The following DCHS2 variants were observed in gnomAD, a reference collection of about 807,000 sequenced individuals.
The protein encoded by DCHS2 is dachsous cadherin-related 2.
In DCHS2, 142 loss-of-function variants were observed where a neutral mutation model predicts 182.4. The ratio of observed to expected loss-of-function variants is 0.78; its 90% confidence interval spans 0.68 to 0.89. DCHS2 has a LOEUF of 0.89. Among genes scored for constraint, DCHS2 ranks in the 40% least tolerant of loss-of-function variants. The pLI, the probability that DCHS2 is intolerant of heterozygous loss-of-function variation, is 0.00. For missense variants in DCHS2, 4,319 were observed against 4,198.6 expected, an observed-to-expected ratio of 1.03 and a Z score of -0.79; for synonymous variants, 1,740 against 1,663.3, an observed-to-expected ratio of 1.05 and a Z score of -1.12.
At chr4:154,434,704 T>G (rs1257232030) in intron 1 of DCHS2, among the ~76,000 whole-genome samples, 1 of 152,148 alleles carries the variant, frequency 6.6e-6, no homozygotes, top group Non-Finnish European at 1.5e-5. Flanking sequence ...AAAAGTGAGT[T>G]AACATTATCA....
chr4:154,478,625 G>A (rs1043179496), intron 1 of DCHS2, among the ~76,000 whole-genome samples: 2 of 152,160 alleles, frequency 1.3e-5, no homozygotes, highest in Non-Finnish European at 2.9e-5. Flanking sequence ...ATAGCCATTA[G>A]AGAGAAAGAG....
chr4:154,352,955 G>T (rs1729688799), intron 3 of DCHS2, among the ~76,000 whole-genome samples: 1 of 152,264 alleles, frequency 6.6e-6, no homozygotes, highest in South Asian at 2.1e-4. Flanking sequence ...GGTCCACAAA[G>T]GTTTCAGTTT....
intron 1 of DCHS2, among the ~76,000 whole-genome samples, chr4:154,383,255 A>G (rs981108778): frequency 3.3e-5 from 5 of 152,168 alleles, no homozygotes; most frequent in Non-Finnish European, 4.4e-5. Context: ...CAAATACTGC[A>G]GTTCTCACTC....
chr4:154,260,868 T>C (rs1036984753), intron 14 of DCHS2, among the ~76,000 whole-genome samples: 2 of 152,208 alleles, frequency 1.3e-5, no homozygotes, highest in Non-Finnish European at 2.9e-5. Flanking sequence ...TGCCCTCATA[T>C]AAAAGGCAGA....
Position 154,236,666 on chromosome 4 carries a change from G to C in DCHS2, c.7986C>G (p.Pro2662=). 6.2e-7 allele frequency: 1 copy of C among 1,613,964 alleles called. No homozygotes were observed. The highest frequency in any genetic ancestry group is 8.5e-7 in the Non-Finnish European group (1 of 1,179,944). Residue 2662 remains proline (P), a synonymous_variant, in exon 20 of 20, where the codon CCC becomes CCG. Transcript: ENST00000357232. ...SIQVLDVNDN[P]PNFSSLSYHT... is the part of the protein sequence containing the mutation. ...GATAGCTCAGGCTGCTGAAGTTTGGGGGATTGTCATTGACATCAAGTACTT... is the reference window on the plus strand; with the variant it reads ...GATAGCTCAGGCTGCTGAAGTTTGGCGGATTGTCATTGACATCAAGTACTT...
At chr4:154,311,395 C>G (rs1409206123) in intron 10 of DCHS2, among the ~76,000 whole-genome samples, 1 of 143,020 alleles carries the variant, frequency 7.0e-6, no homozygotes, top group Non-Finnish European at 1.6e-5. Context: ...CCATACCCAA[C>G]AAATTTTTAT....
Position 154,276,905 on chromosome 4 carries a change from T to C in DCHS2, c.6464-6892A>G, listed in dbSNP as rs569717667. On this transcript the variant is annotated intron_variant, in intron 13 of 19. Coordinates refer to ENST00000357232, the MANE Select transcript of DCHS2 (RefSeq NM_001358235.2). Reference sequence around the variant, plus strand: ...TAAGCTAGCAACAGTGCTAGTGAAATTCTTTTGTGCTACAATCCCATTTGA... The same window carrying C: ...TAAGCTAGCAACAGTGCTAGTGAAACTCTTTTGTGCTACAATCCCATTTGA... 5.4e-4 allele frequency among the ~76,000 whole-genome samples: 82 copies of C among 152,220 alleles called. 1 individual carries two copies. The highest frequency in any genetic ancestry group is 8.7e-4 in the Non-Finnish European group (59 of 68,022).
intron 19 of DCHS2, 167 bp from the exon 20 acceptor site, chr4:154,237,326 A>C: frequency 1.1e-6 from 1 of 931,968 alleles, no homozygotes; most frequent in Non-Finnish European, 1.5e-6. Flanking sequence ...TATTGTATTT[A>C]TATGTTTATA....
intron 15 of DCHS2, among the ~76,000 whole-genome samples, chr4:154,256,672 A>G (rs1037330270): frequency 1.3e-5 from 2 of 152,102 alleles, no homozygotes; most frequent in African/African-American, 4.8e-5. Context: ...ATTACTTTTT[A>G]CTTGTTTATA....
intron 2 of DCHS2, among the ~76,000 whole-genome samples, chr4:154,369,976 TG>T (rs1730569155): frequency 6.6e-6 from 1 of 152,216 alleles, no homozygotes; most frequent in African/African-American, 2.4e-5. Context: ...CCATTCTCTT[TG>T]TTCTTGCCTT....
At chr4:154,463,149 A>G (rs904386854) in intron 1 of DCHS2, among the ~76,000 whole-genome samples, 2 of 103,616 alleles carry the variant, frequency 1.9e-5, no homozygotes, top group Non-Finnish European at 4.1e-5. Context: ...TTATGTGTAT[A>G]TATATAAGTG....
At chr4:154,271,231 G>C (rs1578890549) in intron 13 of DCHS2, among the ~76,000 whole-genome samples, 1 of 152,128 alleles carries the variant, frequency 6.6e-6, no homozygotes, top group South Asian at 2.1e-4. Context: ...GAGAGCTTGA[G>C]AGCCAGGGAG....
intron 16 of DCHS2, among the ~76,000 whole-genome samples, chr4:154,248,093 C>A (rs978242226): frequency 6.6e-6 from 1 of 152,058 alleles, no homozygotes; most frequent in East Asian, 1.9e-4. Context: ...ATGCAGATAA[C>A]AGAGCTTATG....
chr4:154,344,576 G>A (rs1729269046), intron 3 of DCHS2, among the ~76,000 whole-genome samples: 1 of 152,194 alleles, frequency 6.6e-6, no homozygotes, highest in Admixed American at 6.5e-5. Flanking sequence ...ACACAAGTAT[G>A]GGAAAGCCAG....
intron 14 of DCHS2, among the ~76,000 whole-genome samples, chr4:154,267,698 C>T (rs771092025): frequency 6.6e-5 from 3 of 45,792 alleles, no homozygotes; most frequent in Non-Finnish European, 2.1e-4. Context: ...TTCCATTGGG[C>T]ATCTTCTTCC....
At chr4:154,311,629 A>G (rs1490981881) in intron 10 of DCHS2, among the ~76,000 whole-genome samples, 1 of 152,188 alleles carries the variant, frequency 6.6e-6, no homozygotes, top group Non-Finnish European at 1.5e-5. Flanking sequence ...TGATTGAATA[A>G]AGGAATAAAT....
intron 7 of DCHS2, 100 bp from the exon 8 acceptor site, chr4:154,322,588 C>G: frequency 7.2e-7 from 1 of 1,379,516 alleles, no homozygotes; most frequent in Non-Finnish European, 9.5e-7. Context: ...GATTTGTTTG[C>G]TTTGAATTCT....
At chr4:154,331,199 C>T (rs1736506785) in intron 5 of DCHS2, among the ~76,000 whole-genome samples, 1 of 152,148 alleles carries the variant, frequency 6.6e-6, no homozygotes, top group Non-Finnish European at 1.5e-5. Context: ...TAGCTCTTTA[C>T]CCCTCAAAGC....
Position 154,322,901 on chromosome 4 carries a change from C to A in DCHS2, c.4019-413G>T. On this transcript the variant is annotated intron_variant, in intron 7 of 19. Coordinates refer to ENST00000357232, the MANE Select transcript of DCHS2 (RefSeq NM_001358235.2). Reference sequence around the variant, plus strand: ...ATATTTTAACACAATCATCACAGTACCATATTATACCTTAAAAATTAATAA... The same window carrying A: ...ATATTTTAACACAATCATCACAGTAACATATTATACCTTAAAAATTAATAA... 1.0e-5 allele frequency: 3 copies of A among 286,308 alleles called. No homozygotes were observed. In the South Asian group the frequency reaches 2.2e-4, roughly 21 times the overall value. The allele number at this position is 286,308 out of a possible 1,614,324, so 17.7% of individuals were successfully genotyped here. A position where few individuals can be genotyped will look rare whatever the true frequency, so the allele number is the denominator to read the frequency against.
Sources: allele counts gnomAD v4.1 joint callset (sites outside exome capture counted in the v4.1 genomes callset), GRCh38; gene constraint gnomAD v4.1.1; transcripts MANE v1.5; gene names NCBI Gene and HGNC (gene_info 2026-07-23, HGNC 2026-07-21).